CMKLR2: variants seen among roughly 807,000 people sequenced by gnomAD.
CMKLR2 encodes the protein chemerin-like receptor 2.
A neutral mutation model predicts 23.0 loss-of-function variants in CMKLR2; 18 were observed. That is an observed-to-expected ratio of 0.78 (90% confidence interval 0.54 to 1.16). CMKLR2 has a LOEUF of 1.16. Ranked by LOEUF, CMKLR2 falls within the 50% of genes most tolerant of loss-of-function variation. CMKLR2 has a pLI of 0.00. For synonymous variants in CMKLR2, 158 were observed against 158.9 expected, an observed-to-expected ratio of 0.99 and a Z score of 0.05; for missense variants, 401 against 412.7, an observed-to-expected ratio of 0.97 and a Z score of 0.25.
intron 1 of CMKLR2, among the ~76,000 whole-genome samples, chr2:206,179,700 C>T (rs1688351760): frequency 6.6e-6 from 1 of 152,102 alleles, no homozygotes; most frequent in Non-Finnish European, 1.5e-5. Context: ...TTTCAATCAG[C>T]ACAAAAGTAT....
At chr2:206,193,646 C>T (rs1489814057) in intron 1 of CMKLR2, among the ~76,000 whole-genome samples, 1 of 152,156 alleles carries the variant, frequency 6.6e-6, no homozygotes, top group Non-Finnish European at 1.5e-5. Context: ...CGTAACGTAA[C>T]AAAGGACTGA....
intron 1 of CMKLR2, among the ~76,000 whole-genome samples, chr2:206,183,612 A>G (rs988260040): frequency 6.6e-6 from 1 of 152,174 alleles, no homozygotes; most frequent in Non-Finnish European, 1.5e-5. Flanking sequence ...AAAAAGCTTC[A>G]AGAACAGCTG....
intron 1 of CMKLR2, among the ~76,000 whole-genome samples, chr2:206,197,525 TA>T (rs1688959808): frequency 6.6e-6 from 1 of 152,174 alleles, no homozygotes; most frequent in South Asian, 2.1e-4. Context: ...GCCCTCCAAC[TA>T]AACCCCTTTG....
In CMKLR2 at chr2:206,202,570, C is replaced by G. The variant is rs183461055; in HGVS notation, c.-29+10737G>C. Among the ~76,000 whole-genome samples the G allele has an allele frequency of 6.4e-3, 979 of 152,258 alleles. 4 individuals are homozygous for G. The highest frequency in any genetic ancestry group is 0.01 in the Non-Finnish European group (684 of 68,008). On this transcript the variant is annotated intron_variant, in intron 1 of 1. Transcript: ENST00000621141. ...CAACCTCCTGGGCTCAAGCAATTCT[C>G]CTGCTTCAGCCTCTTGAGTAGCTGG...
At chr2:206,181,145 C>T (rs919655343) in intron 1 of CMKLR2, among the ~76,000 whole-genome samples, 1 of 151,698 alleles carries the variant, frequency 6.6e-6, no homozygotes, top group African/African-American at 2.4e-5. Context: ...GCAACCTCTG[C>T]CTCCTAGGTT....
At chr2:206,209,418 G>A (rs1689455396) in intron 1 of CMKLR2, among the ~76,000 whole-genome samples, 2 of 151,934 alleles carry the variant, frequency 1.3e-5, no homozygotes, top group Non-Finnish European at 2.9e-5. Context: ...AGTGCAGGAT[G>A]TACAGGTTTG....
At chr2:206,184,061 C>A (rs905500663) in intron 1 of CMKLR2, among the ~76,000 whole-genome samples, 8 of 152,196 alleles carry the variant, frequency 5.3e-5, no homozygotes. Context: ...CCTGGAACAT[C>A]TTTTCCATGG....
Position 206,176,692 on chromosome 2 carries a change from G to C in CMKLR2, c.556C>G (p.Leu186Val). The part of the protein sequence containing the change: ...RDTVEFNNHT[L>V]CYNNFQKHDP... ...TGCTTCTGAAAATTGTTATAGCAAA[G>C]AGTATGATTATTGAACTCCACAGTG... Residue 186 changes from leucine (L) to valine (V), a missense_variant, in exon 2 of 2, where the codon CTT (leucine) becomes GTT (valine). Physicochemically the swap from Leu to Val is conservative, Grantham distance 32 (BLOSUM62 1). Transcript: ENST00000621141. 6.2e-7 allele frequency: 1 copy of C among 1,614,206 alleles called. No homozygotes were observed. The highest frequency in any genetic ancestry group is 8.5e-7 in the Non-Finnish European group (1 of 1,180,048).
At chr2:206,194,776 C>T (rs1383419202) in intron 1 of CMKLR2, among the ~76,000 whole-genome samples, 5 of 88,626 alleles carry the variant, frequency 5.6e-5, no homozygotes, top group South Asian at 7.7e-4. Context: ...TTTTTTGAGA[C>T]GGAGTCTCGC....
In CMKLR2 at chr2:206,177,840, G is replaced by A. The variant is rs768937725; in HGVS notation, c.-28-565C>T. On this transcript the variant is annotated intron_variant, in intron 1 of 1. Coordinates refer to ENST00000621141, the MANE Select transcript of CMKLR2 (RefSeq NM_001389445.1). ...GCTAAATTAAAATGAATGACTCTAC[G>A]GTTATAATTCTTCAGTTCGTAATGC... Among the ~76,000 whole-genome samples, 25 of 152,162 alleles carry A rather than the reference G, an allele frequency of 1.6e-4. 1 individual carries two copies. Among genetic ancestry groups the A allele is most frequent in the African/African-American group, 4.1e-4 (17 of 41,504 alleles).
intron 1 of CMKLR2, among the ~76,000 whole-genome samples, chr2:206,207,960 G>A (rs973154349): frequency 1.3e-5 from 2 of 151,610 alleles, no homozygotes; most frequent in African/African-American, 2.4e-5. Context: ...GGCTGGTCTC[G>A]AACTCCTGAC....
chr2:206,177,301 G>A, intron 1 of CMKLR2, 26 bp from the exon 2 acceptor site: 4 of 1,136,846 alleles, frequency 3.5e-6, no homozygotes, highest in Admixed American at 2.5e-5. Context: ...TAAAAAGAAA[G>A]AAAAAATTTT....
At chr2:206,193,952 G>A (rs1213656747) in intron 1 of CMKLR2, among the ~76,000 whole-genome samples, 5 of 152,196 alleles carry the variant, frequency 3.3e-5, no homozygotes, top group Non-Finnish European at 7.3e-5. Context: ...GAAGTCCAGG[G>A]AGAATATCCA....
Position 206,176,903 on chromosome 2 carries a change from G to C in CMKLR2, c.345C>G (p.Phe115Leu). Reference sequence around the variant, plus strand: ...TGGCAAACATGTTCAACTGGGCAGTGAAGGAATTGGCTTTGCACAGCCAGA... The same window carrying C: ...TGGCAAACATGTTCAACTGGGCAGTCAAGGAATTGGCTTTGCACAGCCAGA... Reference protein sequence around the residue: ...FGIWLCKANSFTAQLNMFASV... With the variant: ...FGIWLCKANSLTAQLNMFASV... The change falls in exon 2 of 2, where the codon TTC becomes TTG. Residue 115 changes from phenylalanine to leucine, a missense_variant. Coordinates refer to ENST00000621141, the MANE Select transcript of CMKLR2 (RefSeq NM_001389445.1). The C allele has an allele frequency of 1.9e-6, 3 of 1,614,196 alleles. No homozygotes were observed. The highest frequency in any genetic ancestry group is 2.5e-6 in the Non-Finnish European group (3 of 1,180,032).
intron 1 of CMKLR2, chr2:206,203,697 G>C (rs768357699): frequency 6.6e-6 from 1 of 152,148 alleles, no homozygotes; most frequent in Non-Finnish European, 1.5e-5. Flanking sequence ...CCATTTTCCC[G>C]AGTTCTCCGA....
At chr2:206,210,261 T>C (rs965502819) in intron 1 of CMKLR2, among the ~76,000 whole-genome samples, 1 of 152,140 alleles carries the variant, frequency 6.6e-6, no homozygotes, top group African/African-American at 2.4e-5. Flanking sequence ...TCGTTTTCTG[T>C]TCCTGTATTA....
At chr2:206,196,391 A>AAAATAAATAAATAAAT (rs145895468) in intron 1 of CMKLR2, among the ~76,000 whole-genome samples, 182 of 151,290 alleles carry the variant, frequency 1.2e-3, no homozygotes, top group African/African-American at 2.4e-3. Flanking sequence ...AATAAAAATA[A>AAAATAAATAAATAAAT]AAATAAATAA....
intron 1 of CMKLR2, chr2:206,203,470 A>T (rs546165516): frequency 6.6e-6 from 1 of 152,046 alleles, no homozygotes; most frequent in Non-Finnish European, 1.5e-5. Flanking sequence ...TTAATTTCCA[A>T]TGGCCAGTGG....
chr2:206,201,829 G>A (rs926271414), intron 1 of CMKLR2, among the ~76,000 whole-genome samples: 5 of 152,278 alleles, frequency 3.3e-5, no homozygotes, highest in South Asian at 2.1e-4. Flanking sequence ...AGAGGGAACC[G>A]GATGGAGAGA....
Sources: allele counts gnomAD v4.1 joint callset (sites outside exome capture counted in the v4.1 genomes callset), GRCh38; gene constraint gnomAD v4.1.1; transcripts MANE v1.5; gene names NCBI Gene and HGNC (gene_info 2026-07-23, HGNC 2026-07-21).